The following ZC4H2 variants were observed in gnomAD, a reference collection of about 807,000 sequenced individuals.
ZC4H2 encodes zinc finger C4H2-type containing.
For synonymous variants in ZC4H2, 84 were observed against 66.3 expected (o/e 1.27, Z -1.30); for missense variants, 137 against 173.9 (o/e 0.79, Z 1.19).
At chrX:64,929,745 T>C (rs923501688) in intron 1 of ZC4H2, among the ~76,000 whole-genome samples, 4 of 111,930 alleles carry the variant, frequency 3.6e-5, no homozygotes, top group African/African-American at 1.3e-4. Context: ...TTTTATACCA[T>C]TACCATGCTG....
rs982175810 is a variant in ZC4H2 at position 64,989,609 on chromosome X, G to C, written c.-272+45020C>G. Among the ~76,000 whole-genome samples, 4 of 112,031 alleles carry C rather than the reference G, an allele frequency of 3.6e-5. No individual in the cohort carries two copies. The Admixed American group carries it at 3.8e-4, about 11-fold the overall frequency. On this transcript the variant is annotated intron_variant, in intron 1 of 4. Transcript: ENST00000337990. Reference sequence around the variant, plus strand: ...GATGAAAAGACAAGGTATACACTAGGAGAAAATATTTGAAAACTACATATT... The same window carrying C: ...GATGAAAAGACAAGGTATACACTAGCAGAAAATATTTGAAAACTACATATT...
At chrX:64,939,274 C>A (rs1046999289) in intron 1 of ZC4H2, among the ~76,000 whole-genome samples, 1 of 111,642 alleles carries the variant, frequency 9.0e-6, no homozygotes, top group African/African-American at 3.3e-5. Context: ...AACCACTGCT[C>A]AAGGAAATAA....
At chrX:64,983,109 T>C (rs1932115645) in intron 1 of ZC4H2, among the ~76,000 whole-genome samples, 4 of 111,288 alleles carry the variant, frequency 3.6e-5, no homozygotes, top group Admixed American at 2.9e-4. Flanking sequence ...GTATGCATAG[T>C]GGTGAGGCAC....
chrX:64,928,585 A>G (rs1929537934), intron 1 of ZC4H2, among the ~76,000 whole-genome samples: 1 of 109,631 alleles, frequency 9.1e-6, no homozygotes, highest in South Asian at 4.0e-4. Flanking sequence ...AGCCATTTCT[A>G]TATCTTCTTT....
At chrX:64,989,034 T>C (rs893009850) in intron 1 of ZC4H2, among the ~76,000 whole-genome samples, 3 of 112,040 alleles carry the variant, frequency 2.7e-5, no homozygotes, top group African/African-American at 6.5e-5. Context: ...GTTGTAGATA[T>C]GCGGCATTAT....
Position 64,951,104 on chromosome X carries a change from A to C in ZC4H2, c.53+25221T>G, listed in dbSNP as rs1172678882. Among the ~76,000 whole-genome samples, 9 of 111,211 alleles carry C rather than the reference A, an allele frequency of 8.1e-5. No individual in the cohort carries two copies. In the East Asian group the frequency reaches 1.4e-3, roughly 18 times the overall value. ...AGTTTACTGAGAATGATGATTTCCA[A>C]TTTCATCCATGTCCCTACAAAGGAA... On this transcript the variant is annotated intron_variant, in intron 1 of 4. Coordinates refer to ENST00000374839, the MANE Select transcript of ZC4H2 (RefSeq NM_018684.4).
At chrX:64,994,660 T>C (rs1932376686) in intron 1 of ZC4H2, among the ~76,000 whole-genome samples, 1 of 111,508 alleles carries the variant, frequency 9.0e-6, no homozygotes, top group African/African-American at 3.3e-5. Flanking sequence ...TGTGCTCTGC[T>C]TGGCTTTTTT....
At chrX:64,935,343 C>T (rs1437666469) in intron 1 of ZC4H2, among the ~76,000 whole-genome samples, 1 of 111,892 alleles carries the variant, frequency 8.9e-6, no homozygotes, top group Non-Finnish European at 1.9e-5. Flanking sequence ...ATAGATAAAA[C>T]CCCTATCTCC....
intron 1 of ZC4H2, among the ~76,000 whole-genome samples, chrX:65,008,010 C>G (rs1932695261): frequency 9.0e-6 from 1 of 111,343 alleles, no homozygotes; most frequent in African/African-American, 3.3e-5. Flanking sequence ...AAACAATCAA[C>G]AAAGTGAAGA....
At chrX:65,010,433 A>G (rs1416466717) in intron 1 of ZC4H2, among the ~76,000 whole-genome samples, 1 of 112,448 alleles carries the variant, frequency 8.9e-6, no homozygotes, top group African/African-American at 3.2e-5. Context: ...GGCTTTTCTC[A>G]GTTATACTCA....
rs566409944 is a variant in ZC4H2 at position 64,961,140 on chromosome X, T to C, written c.53+15185A>G. Among the ~76,000 whole-genome samples the C allele has an allele frequency of 5.4e-5, 6 of 111,707 alleles. No individual in the cohort carries two copies. The South Asian group carries it at 1.5e-3, about 27-fold the overall frequency. ...TAGTTCAGTGTTCTGATATTGGGTG[T>C]ATATATATTTATAATTGTTGCATAT... On this transcript the variant is annotated intron_variant, in intron 1 of 4. Coordinates refer to ENST00000374839, the MANE Select transcript of ZC4H2 (RefSeq NM_018684.4).
intron 1 of ZC4H2, among the ~76,000 whole-genome samples, chrX:64,926,532 C>T (rs1929428804): frequency 8.9e-6 from 1 of 112,018 alleles, no homozygotes; most frequent in Non-Finnish European, 1.9e-5. Flanking sequence ...CCAGTCCCTC[C>T]ACCTGGCCAA....
At chrX:64,958,785 G>T (rs1931265658) in intron 1 of ZC4H2, among the ~76,000 whole-genome samples, 1 of 111,289 alleles carries the variant, frequency 9.0e-6, no homozygotes, top group Non-Finnish European at 1.9e-5. Flanking sequence ...AGTGCATAAG[G>T]GCTCTTGTAT....
chrX:65,004,379 C>T (rs1932614648), intron 1 of ZC4H2, among the ~76,000 whole-genome samples: 1 of 111,936 alleles, frequency 8.9e-6, no homozygotes, highest in African/African-American at 3.3e-5. Context: ...AAAGCTTATC[C>T]ACCACAATCA....
At chrX:65,018,611 G>A (rs1428114105) in intron 1 of ZC4H2, among the ~76,000 whole-genome samples, 2 of 109,842 alleles carry the variant, frequency 1.8e-5, no homozygotes, top group African/African-American at 6.8e-5. Context: ...CGGCCATTTG[G>A]GCAGACACTG....
intron 1 of ZC4H2, among the ~76,000 whole-genome samples, chrX:65,020,214 C>G (rs1932826727): frequency 9.0e-6 from 1 of 111,201 alleles, no homozygotes; most frequent in African/African-American, 3.3e-5. Context: ...TTGAGAAGAG[C>G]AACCCCAAGA....
chrX:64,918,621 G>A (rs1280841912), intron 4 of ZC4H2: 1 of 119,770 alleles, frequency 8.3e-6, no homozygotes, highest in Non-Finnish European at 1.7e-5. Flanking sequence ...CCTGTGGGAT[G>A]TAAACCAGTT....
At chrX:64,954,229 T>C (rs188976588) in intron 1 of ZC4H2, among the ~76,000 whole-genome samples, 2 of 99,087 alleles carry the variant, frequency 2.0e-5, no homozygotes, top group African/African-American at 7.9e-5. Context: ...AATGACGAGT[T>C]AATGGGTGCA....
rs1346896047 is a variant in ZC4H2 at position 64,951,390 on chromosome X, C to T, written c.53+24935G>A. Among the ~76,000 whole-genome samples, 272 of 111,546 alleles carry T rather than the reference C, an allele frequency of 2.4e-3. 2 individuals carry two copies. Among genetic ancestry groups the T allele is most frequent in the African/African-American group, 7.7e-3 (236 of 30,637 alleles). On this transcript the variant is annotated intron_variant, in intron 1 of 4. Coordinates refer to ENST00000374839, the MANE Select transcript of ZC4H2 (RefSeq NM_018684.4). ...GGAATCGCCACACTGACTTCCACAA[C>T]GGTTGAACTAGTTTACAGTCCCACC...
Sources: gnomAD v4.1 joint callset for allele counts (sites outside exome capture counted in the v4.1 genomes callset) on GRCh38, gnomAD v4.1.1 for gene constraint, MANE v1.5 for transcripts, NCBI Gene and HGNC (gene_info 2026-07-23, HGNC 2026-07-21) for gene names.